Variants in SCMH1 observed in about 807,000 individuals in gnomAD.
The protein encoded by SCMH1 is Scm polycomb group protein homolog 1, also known as polycomb protein SCMH1.
Under a neutral mutation model 70.8 loss-of-function variants are expected in SCMH1, and 37 were observed. The observed-to-expected ratio is 0.52, with a 90% CI of 0.40 to 0.69. The LOEUF is 0.69. Among genes scored for constraint, SCMH1 ranks in the 30% least tolerant of loss-of-function variants. The pLI, the probability that SCMH1 is intolerant of heterozygous loss-of-function variation, is 0.00. For synonymous variants in SCMH1, 292 were observed against 307.4 expected (o/e 0.95, Z 0.52); for missense variants, 607 against 827.3 (o/e 0.73, Z 3.27).
At chr1:41,109,258 A>G (rs1271043784) in intron 8 of SCMH1, among the ~76,000 whole-genome samples, 2 of 152,242 alleles carry the variant, frequency 1.3e-5, no homozygotes, top group East Asian at 1.9e-4. Context: ...AGAAGATAAA[A>G]TGAAAATCTG....
At chr1:41,077,949 C>T (rs1424537938) in intron 8 of SCMH1, among the ~76,000 whole-genome samples, 1 of 151,610 alleles carries the variant, frequency 6.6e-6, no homozygotes, top group Admixed American at 6.6e-5. Flanking sequence ...CATATATTAT[C>T]CAAATAATGG....
intron 6 of SCMH1, among the ~76,000 whole-genome samples, chr1:41,137,320 A>T (rs1643505114): frequency 6.6e-6 from 1 of 152,190 alleles, no homozygotes; most frequent in African/African-American, 2.4e-5. Flanking sequence ...GTTTATTATC[A>T]TCGTGTTTTA....
chr1:41,108,169 T>C (rs1668467054), intron 8 of SCMH1, among the ~76,000 whole-genome samples: 1 of 152,228 alleles, frequency 6.6e-6, no homozygotes, highest in South Asian at 2.1e-4. Flanking sequence ...CTCTACTAGA[T>C]TCCCATATTT....
At chr1:41,126,909 C>T (rs1198482632) in intron 6 of SCMH1, among the ~76,000 whole-genome samples, 1 of 152,102 alleles carries the variant, frequency 6.6e-6, no homozygotes, top group East Asian at 1.9e-4. Context: ...CTAATAAATG[C>T]ATATGTGGTT....
At chr1:41,064,086 C>T (rs1036038129) in intron 10 of SCMH1, among the ~76,000 whole-genome samples, 5 of 152,126 alleles carry the variant, frequency 3.3e-5, no homozygotes, top group Non-Finnish European at 4.4e-5. Flanking sequence ...AAGGCTGACT[C>T]AACATTCAAA....
At chr1:41,058,378 G>GTTGTTTTTTTTTTT (rs1651268517) in intron 10 of SCMH1, among the ~76,000 whole-genome samples, 1 of 81,640 alleles carries the variant, frequency 1.2e-5, no homozygotes, top group Non-Finnish European at 2.1e-5. Context: ...TTTCTTTCTT[G>GTTGTTTTTTTTTTT]TTTTTTTTTT....
chr1:41,224,287 G>A (rs1049600663), intron 1 of SCMH1, among the ~76,000 whole-genome samples: 1 of 151,954 alleles, frequency 6.6e-6, no homozygotes, highest in African/African-American at 2.4e-5. Flanking sequence ...ACTAGATTAT[G>A]AGCCTTAAAG....
chr1:41,206,509 A>G (rs1655579359), intron 1 of SCMH1, among the ~76,000 whole-genome samples: 1 of 152,252 alleles, frequency 6.6e-6, no homozygotes, highest in South Asian at 2.1e-4. Flanking sequence ...AAGAGTAAAA[A>G]GAAATGAACA....
chr1:41,113,564 AG>A lies in SCMH1; in HGVS notation c.502-39del. 1 of 1,578,396 alleles carries A rather than the reference AG, an allele frequency of 6.3e-7. No individual in the cohort carries two copies. The highest frequency in any genetic ancestry group is 8.6e-7 in the Non-Finnish European group (1 of 1,164,162). On this transcript the variant is annotated intron_variant, in intron 7 of 14. Transcript: ENST00000337495. This position sits in a 1 kb window ranked among gnomAD's most constrained non-coding sequence, Gnocchi z 4.3. ...CAGAAACATACACACCTAGACACAA[AG>A]AGAGGCCATTATGCCAATAGACTAC...
At chr1:41,069,338 G>A (rs1042324482) in intron 10 of SCMH1, among the ~76,000 whole-genome samples, 1 of 152,064 alleles carries the variant, frequency 6.6e-6, no homozygotes, top group African/African-American at 2.4e-5. Context: ...AACTAAAAAA[G>A]ACAGCAATAT....
chr1:41,110,064 T>C (rs748672336), intron 8 of SCMH1, among the ~76,000 whole-genome samples: 10 of 152,206 alleles, frequency 6.6e-5, no homozygotes, highest in Non-Finnish European at 1.5e-4. Context: ...CACAGAGCTA[T>C]TACCTCACAG....
At chr1:41,089,168 A>G (rs1240838838) in intron 8 of SCMH1, among the ~76,000 whole-genome samples, 2 of 152,224 alleles carry the variant, frequency 1.3e-5, no homozygotes, top group Non-Finnish European at 2.9e-5. Flanking sequence ...TCTACCTATA[A>G]TTAAAACTTC....
At chr1:41,130,175 GT>G (rs1674288191) in intron 6 of SCMH1, among the ~76,000 whole-genome samples, 1 of 152,070 alleles carries the variant, frequency 6.6e-6, no homozygotes. Flanking sequence ...TTTGAAATGG[GT>G]TTTTTGTTGT....
At position 41,028,031 on chromosome 1, in the gene SCMH1, TATC is replaced by T. The variant is rs1164025055; in HGVS notation, c.*160_*162del. On this transcript the variant is annotated 3_prime_UTR_variant, in exon 15 of 15. Transcript: ENST00000337495. ...CTCCTCAGTCCTTCATGGAAGGACT[TATC>T]ATGGCAGCTGTGGCTAGGAGTGGTG... 49 of 786,990 alleles carry T rather than the reference TATC, an allele frequency of 6.2e-5. No homozygotes were observed. In the Middle Eastern group the frequency reaches 1.0e-3, roughly 16 times the overall value. 48.8% of individuals were successfully genotyped at this position (786,990 alleles called of 1,614,324 possible).
intron 11 of SCMH1, among the ~76,000 whole-genome samples, chr1:41,047,118 T>C (rs951554797): frequency 1.3e-5 from 2 of 152,308 alleles, no homozygotes; most frequent in East Asian, 3.9e-4. Context: ...TCTTTTTCTA[T>C]AAAAATGTAT....
intron 4 of SCMH1, chr1:41,152,684 T>C (rs1214783650): frequency 6.2e-7 from 1 of 1,614,022 alleles, no homozygotes; most frequent in Non-Finnish European, 8.5e-7. Flanking sequence ...TTTCTTGAAG[T>C]TTCCTCTGTA....
At chr1:41,066,348 T>C (rs1654590561) in intron 10 of SCMH1, among the ~76,000 whole-genome samples, 1 of 152,218 alleles carries the variant, frequency 6.6e-6, no homozygotes, top group Non-Finnish European at 1.5e-5. Context: ...TAGAAGTCTC[T>C]TGCTTACCCT....
intron 6 of SCMH1, among the ~76,000 whole-genome samples, chr1:41,122,099 A>G (rs1458900225): frequency 6.6e-6 from 1 of 152,202 alleles, no homozygotes; most frequent in Non-Finnish European, 1.5e-5. Context: ...TAATATGGTT[A>G]TGTTTTTAAA....
chr1:41,202,039 C>T (rs1361445626), intron 1 of SCMH1, among the ~76,000 whole-genome samples: 4 of 151,958 alleles, frequency 2.6e-5, no homozygotes, highest in Non-Finnish European at 5.9e-5. Flanking sequence ...GGTTATTTAG[C>T]TTTTTGAGTT....
Sources: allele counts gnomAD v4.1 joint callset (sites outside exome capture counted in the v4.1 genomes callset), GRCh38; gene constraint gnomAD v4.1.1; non-coding constraint Gnocchi (gnomAD v3.1); transcripts MANE v1.5; gene names NCBI Gene and HGNC (gene_info 2026-07-23, HGNC 2026-07-21).